Variants in PTPRT observed in about 807,000 individuals in gnomAD.
The protein encoded by PTPRT is receptor-type tyrosine-protein phosphatase T.
In PTPRT, 56 loss-of-function variants were observed where a neutral mutation model predicts 176.8. That is an observed-to-expected ratio of 0.32 (90% CI 0.26 to 0.40). PTPRT has a LOEUF of 0.40. PTPRT is among the 10% of genes least tolerant of loss of function. The pLI is 1.00. For synonymous variants in PTPRT, 783 were observed against 739.0 expected (o/e 1.06, Z -0.96); for missense variants, 1,540 against 1,908.2 (o/e 0.81, Z 3.60).
intron 5 of PTPRT, among the ~76,000 whole-genome samples, chr20:42,761,698 T>A (rs1349521120): frequency 1.3e-5 from 2 of 152,186 alleles, no homozygotes; most frequent in African/African-American, 4.8e-5. Context: ...ACAAACCACC[T>A]GGGGATCTTG....
At chr20:42,589,801 C>G (rs1771067246) in intron 7 of PTPRT, among the ~76,000 whole-genome samples, 4 of 152,170 alleles carry the variant, frequency 2.6e-5, no homozygotes, top group Admixed American at 2.0e-4. Flanking sequence ...CAGAATATAA[C>G]CATCTTTTTT....
At chr20:42,718,713 A>G (rs1475951260) in intron 6 of PTPRT, among the ~76,000 whole-genome samples, 1 of 152,162 alleles carries the variant, frequency 6.6e-6, no homozygotes, top group Non-Finnish European at 1.5e-5. Context: ...AGGAGAATCA[A>G]TGACTTGGAG....
In PTPRT at chr20:42,568,703, G is replaced by A. The variant is rs139455649; in HGVS notation, c.1154-96141C>T. Among the ~76,000 whole-genome samples, 755 of 152,212 alleles carry A rather than the reference G, an allele frequency of 5.0e-3. 25 individuals carry two copies. Among genetic ancestry groups the A allele is most frequent in the Admixed American group, 0.044 (669 of 15,278 alleles). On this transcript the variant is annotated intron_variant, in intron 7 of 30. Coordinates refer to ENST00000373187, the MANE Select transcript of PTPRT (RefSeq NM_007050.6). The stretch of plus-strand genomic sequence containing the variant: ...TGACCCTCCTGGCCTACAGAGAGCT[G>A]TCTGAGCTGCTAAACCCAGGATGCT...
At chr20:43,178,320 G>A (rs1467692374) in intron 1 of PTPRT, among the ~76,000 whole-genome samples, 5 of 152,170 alleles carry the variant, frequency 3.3e-5, no homozygotes, top group Admixed American at 3.3e-4. Context: ...CTTCTTTAAG[G>A]CTAGAAGCTC....
At chr20:43,036,589 T>A (rs1986390183) in intron 1 of PTPRT, among the ~76,000 whole-genome samples, 1 of 152,088 alleles carries the variant, frequency 6.6e-6, no homozygotes, top group Non-Finnish European at 1.5e-5. Flanking sequence ...ACCCCATGAA[T>A]TCCAAAGATT....
intron 6 of PTPRT, among the ~76,000 whole-genome samples, chr20:42,707,422 C>T (rs1378457231): frequency 1.3e-5 from 2 of 152,022 alleles, no homozygotes; most frequent in Non-Finnish European, 2.9e-5. Flanking sequence ...GTAGATCTGA[C>T]ATAGTAAGGT....
chr20:42,764,810 T>C (rs2076960557), intron 5 of PTPRT, among the ~76,000 whole-genome samples: 1 of 152,208 alleles, frequency 6.6e-6, no homozygotes, highest in Non-Finnish European at 1.5e-5. Flanking sequence ...TACATTATCA[T>C]CATTGCTTAG....
Position 42,352,297 on chromosome 20 carries a change from G to C in PTPRT, c.1561-12C>G. ...GCCTTGTAGTTGATCTGTAGGACAAGCCAGCAAACAAACAAACAAATAAAT... is the reference window on the plus strand; with the variant it reads ...GCCTTGTAGTTGATCTGTAGGACAACCCAGCAAACAAACAAACAAATAAAT... On this transcript the variant is annotated splice_polypyrimidine_tract_variant and intron_variant, in intron 9 of 30. Transcript: ENST00000373187. 6.2e-7 allele frequency: 1 copy of C among 1,613,838 alleles called. No individual in the cohort carries two copies.
At chr20:42,499,045 T>A (rs1412813116) in intron 7 of PTPRT, among the ~76,000 whole-genome samples, 1 of 152,164 alleles carries the variant, frequency 6.6e-6, no homozygotes, top group African/African-American at 2.4e-5. Context: ...AATAAACGTC[T>A]AAATTAAGAC....
chr20:42,393,807 T>C (rs1212356626), intron 9 of PTPRT, among the ~76,000 whole-genome samples: 2 of 152,244 alleles, frequency 1.3e-5, no homozygotes, highest in African/African-American at 2.4e-5. Context: ...CAATTTTACA[T>C]ATCGTGGCGA....
At chr20:42,414,622 A>G (rs971010202) in intron 9 of PTPRT, among the ~76,000 whole-genome samples, 1 of 152,226 alleles carries the variant, frequency 6.6e-6, no homozygotes, top group Non-Finnish European at 1.5e-5. Flanking sequence ...GGAAGTAATG[A>G]TCAGTTCAAA....
rs533555734 is a variant in PTPRT at position 42,302,969 on chromosome 20, A to G, written c.2139+12754T>C. Among the ~76,000 whole-genome samples, 5 of 152,332 alleles carry G rather than the reference A, an allele frequency of 3.3e-5. No individual in the cohort carries two copies. In the South Asian group the frequency reaches 6.2e-4, roughly 19 times the overall value. ...TCAATAAGCTCCCTTCCAATACTGC[A>G]TTTTATACTTCCCATTCCTCAACAA... On this transcript the variant is annotated intron_variant, in intron 12 of 30. Transcript: ENST00000373187.
intron 1 of PTPRT, among the ~76,000 whole-genome samples, chr20:43,073,351 T>C (rs370129919): frequency 6.6e-6 from 1 of 152,116 alleles, no homozygotes; most frequent in Admixed American, 6.5e-5. Flanking sequence ...TGCTCCGTTA[T>C]CTTGGTAAAT....
At chr20:42,690,549 G>C (rs1440685309) in intron 6 of PTPRT, among the ~76,000 whole-genome samples, 1 of 152,110 alleles carries the variant, frequency 6.6e-6, no homozygotes, top group Non-Finnish European at 1.5e-5. Context: ...CAACATGCTG[G>C]GTGAGTCTCC....
intron 9 of PTPRT, among the ~76,000 whole-genome samples, chr20:42,410,519 G>A (rs1464759876): frequency 6.6e-6 from 1 of 151,942 alleles, no homozygotes; most frequent in Non-Finnish European, 1.5e-5. Flanking sequence ...GATAGAACAA[G>A]TAGAGGGAAA....
chr20:42,597,768 A>T (rs2073698217), intron 7 of PTPRT, among the ~76,000 whole-genome samples: 1 of 152,190 alleles, frequency 6.6e-6, no homozygotes, highest in South Asian at 2.1e-4. Context: ...AGTCTCAGGT[A>T]TTTCTTTATA....
intron 1 of PTPRT, among the ~76,000 whole-genome samples, chr20:43,040,571 T>C (rs1233535338): frequency 6.6e-6 from 1 of 152,206 alleles, no homozygotes; most frequent in Non-Finnish European, 1.5e-5. Flanking sequence ...AACCCATTGT[T>C]CTACTTTCCC....
chr20:42,620,455 G>C (rs1235881648), intron 7 of PTPRT, among the ~76,000 whole-genome samples: 1 of 149,422 alleles, frequency 6.7e-6, no homozygotes, highest in Non-Finnish European at 1.5e-5. Flanking sequence ...TCCTAGAGCT[G>C]TGGTGGGCTC....
chr20:42,481,870 T>A (rs1040839243), intron 7 of PTPRT, among the ~76,000 whole-genome samples: 5 of 152,114 alleles, frequency 3.3e-5, no homozygotes, highest in Non-Finnish European at 7.3e-5. Flanking sequence ...GCATGTGGTG[T>A]ACTTAGAGTT....
Sources: allele counts gnomAD v4.1 joint callset (sites outside exome capture counted in the v4.1 genomes callset), GRCh38; gene constraint gnomAD v4.1.1; transcripts MANE v1.5; gene names NCBI Gene and HGNC (gene_info 2026-07-23, HGNC 2026-07-21).